GRID2: variants seen among roughly 807,000 people sequenced by gnomAD.
The protein encoded by GRID2 is glutamate ionotropic receptor delta type subunit 2.
GRID2 carries 33 observed loss-of-function variants against 114.8 expected under a neutral mutation model. The observed-to-expected ratio is 0.29, with a 90% confidence interval of 0.22 to 0.38. The LOEUF (loss-of-function observed/expected upper bound fraction) is 0.38, where lower values mean the gene tolerates loss of function less well. Ranked by LOEUF, GRID2 falls within the 10% of genes least tolerant of loss-of-function variation. The probability of loss-of-function intolerance (pLI) is 1.00; values close to 1 mark genes in which losing one functional copy is unlikely to be tolerated. For missense variants in GRID2, 1,184 were observed against 1,257.7 expected (o/e 0.94, Z 0.89); for synonymous variants, 505 against 449.9 (o/e 1.12, Z -1.55).
chr4:93,728,594 T>C (rs528311592), intron 14 of GRID2, among the ~76,000 whole-genome samples: 19 of 152,192 alleles, frequency 1.2e-4, no homozygotes, highest in African/African-American at 4.3e-4. Flanking sequence ...GGTGTTAAAG[T>C]CTCCCATTAT....
chr4:93,146,259 A>C (rs1358853049), intron 4 of GRID2, among the ~76,000 whole-genome samples: 1 of 152,172 alleles, frequency 6.6e-6, no homozygotes, highest in African/African-American at 2.4e-5. Context: ...ACTAATAGTG[A>C]CATCGAGAGT....
At chr4:93,340,639 G>T (rs1251317403) in intron 8 of GRID2, among the ~76,000 whole-genome samples, 1 of 152,044 alleles carries the variant, frequency 6.6e-6, no homozygotes, top group Non-Finnish European at 1.5e-5. Context: ...TTAAAGTGAT[G>T]CACTACACAC....
intron 4 of GRID2, among the ~76,000 whole-genome samples, chr4:93,141,709 T>C (rs1412564954): frequency 6.6e-6 from 1 of 152,250 alleles, no homozygotes; most frequent in Non-Finnish European, 1.5e-5. Context: ...TACCTGACAC[T>C]GGACACATTT....
intron 1 of GRID2, among the ~76,000 whole-genome samples, chr4:92,403,282 C>A (rs927418335): frequency 1.3e-5 from 2 of 152,076 alleles, no homozygotes; most frequent in African/African-American, 4.8e-5. Flanking sequence ...CTTTTAATTT[C>A]TTTCTAGAAC....
chr4:92,854,553 ATG>A lies in GRID2; in HGVS notation c.245-230420_245-230419del, dbSNP rs3077718. Among the ~76,000 whole-genome samples, 70 of 147,264 alleles carry A rather than the reference ATG, an allele frequency of 4.8e-4. 1 individual carries two copies. Among genetic ancestry groups the A allele is most frequent in the South Asian group, 2.8e-3 (13 of 4,662 alleles). On this transcript the variant is annotated intron_variant, in intron 2 of 15. Transcript: ENST00000282020. ...GTGATGTGTGTTTGTGTGAGTGAGG[ATG>A]TGTGTGTGTGTGTGTGTGTGTCTGT...
intron 4 of GRID2, among the ~76,000 whole-genome samples, chr4:93,118,653 T>A (rs1405242299): frequency 1.3e-5 from 2 of 152,150 alleles, no homozygotes; most frequent in Non-Finnish European, 2.9e-5. Context: ...GGGTGCAGAA[T>A]TTTTGCATCT....
At chr4:93,120,204 A>G (rs1733650327) in intron 4 of GRID2, among the ~76,000 whole-genome samples, 1 of 152,210 alleles carries the variant, frequency 6.6e-6, no homozygotes, top group Non-Finnish European at 1.5e-5. Context: ...TCAAGGATCT[A>G]GAACCAGAAA....
At position 93,342,140 on chromosome 4, in the gene GRID2, G is replaced by A. The variant is rs76823655; in HGVS notation, c.1246-53467G>A. On this transcript the variant is annotated intron_variant, in intron 8 of 15. Coordinates refer to ENST00000282020, the MANE Select transcript of GRID2 (RefSeq NM_001510.4). ...ATCACTCTACTACTAAAAACTCTTC[G>A]GTGATAGCAGTAATAAAGTCCAACT... Among the ~76,000 whole-genome samples the A allele has an allele frequency of 7.8e-3, 1,186 of 152,130 alleles. 12 individuals are homozygous for A. Among genetic ancestry groups the A allele is most frequent in the African/African-American group, 0.027 (1,114 of 41,494 alleles).
At chr4:92,442,119 C>T (rs1327141904) in intron 1 of GRID2, among the ~76,000 whole-genome samples, 11 of 130,376 alleles carry the variant, frequency 8.4e-5, no homozygotes, top group African/African-American at 2.8e-4. Context: ...GTGGGTGCCT[C>T]CATATTGATT....
At chr4:92,962,252 C>T (rs996651684) in intron 2 of GRID2, among the ~76,000 whole-genome samples, 3 of 151,652 alleles carry the variant, frequency 2.0e-5, no homozygotes, top group Non-Finnish European at 4.4e-5. Context: ...TATATCTGAA[C>T]ATGATGTAGT....
At chr4:93,570,973 C>T (rs1326958556) in intron 13 of GRID2, among the ~76,000 whole-genome samples, 1 of 152,072 alleles carries the variant, frequency 6.6e-6, no homozygotes, top group East Asian at 1.9e-4. Context: ...TTTCATTCAT[C>T]CATTTATTCA....
chr4:92,384,202 C>T (rs1449322205), intron 1 of GRID2, among the ~76,000 whole-genome samples: 1 of 150,346 alleles, frequency 6.7e-6, no homozygotes, highest in East Asian at 2.0e-4. Context: ...TGTAACTCTA[C>T]TAGGACTTTT....
chr4:93,286,044 C>T (rs1753120145), intron 8 of GRID2, among the ~76,000 whole-genome samples: 2 of 151,914 alleles, frequency 1.3e-5, no homozygotes, highest in Admixed American at 1.3e-4. Flanking sequence ...ATCAAATTTT[C>T]AAATAACAAT....
intron 2 of GRID2, among the ~76,000 whole-genome samples, chr4:92,717,778 A>G (rs934190964): frequency 1.3e-5 from 2 of 152,152 alleles, no homozygotes; most frequent in Non-Finnish European, 2.9e-5. Flanking sequence ...AATCAAGCAA[A>G]TTGACTTCTA....
rs1331386400 is a variant in GRID2 at position 93,644,288 on chromosome 4, G to T, written c.2360+17853G>T. 4.1e-5 allele frequency among the ~76,000 whole-genome samples: 2 copies of T among 48,224 alleles called. 1 individual carries two copies. The highest frequency in any genetic ancestry group is 8.2e-5 in the Non-Finnish European group (2 of 24,328). The allele number at this position is 48,224 out of a possible 152,430, so 31.6% of individuals were successfully genotyped here. A position where few individuals can be genotyped will look rare whatever the true frequency, so the allele number is the denominator to read the frequency against. On this transcript the variant is annotated intron_variant, in intron 14 of 15. Coordinates refer to ENST00000282020, the MANE Select transcript of GRID2 (RefSeq NM_001510.4). ...CACCGTCTTCTGCGTCGCTCACGCT[G>T]GGAGCTGTAGACCGGAGCTGTTCCT... is the stretch of plus-strand genomic sequence containing the variant.
chr4:92,742,467 C>T lies in GRID2; in HGVS notation c.244+152181C>T, dbSNP rs181686960. Among the ~76,000 whole-genome samples the T allele has an allele frequency of 2.6e-5, 4 of 152,180 alleles. No individual in the cohort carries two copies. The East Asian group carries it at 7.7e-4, about 29-fold the overall frequency. On this transcript the variant is annotated intron_variant, in intron 2 of 15. Coordinates refer to ENST00000282020, the MANE Select transcript of GRID2 (RefSeq NM_001510.4). ...GTTATATTTTTGGAAATTTCCCTTA[C>T]CCCCTTGACACATTCTCTTAATCTC...
chr4:93,595,673 T>C (rs1290734250), intron 13 of GRID2, among the ~76,000 whole-genome samples: 2 of 152,208 alleles, frequency 1.3e-5, no homozygotes, highest in East Asian at 1.9e-4. Flanking sequence ...TATAGGCCTT[T>C]TATTGCCCTA....
chr4:92,840,951 C>T (rs1643466544), intron 2 of GRID2, among the ~76,000 whole-genome samples: 1 of 151,954 alleles, frequency 6.6e-6, no homozygotes, highest in Non-Finnish European at 1.5e-5. Context: ...AGATTCTTTT[C>T]TTCTTAATAA....
intron 2 of GRID2, among the ~76,000 whole-genome samples, chr4:92,609,963 T>C (rs17019703): frequency 0.015 from 2,258 of 151,838 alleles, 56 homozygotes; most frequent in African/African-American, 0.051. Context: ...TCTGTTACCA[T>C]AATTTAATAA....
Sources: gnomAD v4.1 joint callset for allele counts (sites outside exome capture counted in the v4.1 genomes callset) on GRCh38, gnomAD v4.1.1 for gene constraint, MANE v1.5 for transcripts, NCBI Gene and HGNC (gene_info 2026-07-23, HGNC 2026-07-21) for gene names.